The following DST variants were observed in gnomAD, a reference collection of about 807,000 sequenced individuals.
DST encodes bullous pemphigoid antigen.
A neutral mutation model predicts 875.2 loss-of-function variants in DST; 253 were observed. The observed-to-expected ratio is 0.29, with a 90% confidence interval of 0.26 to 0.32. The LOEUF (loss-of-function observed/expected upper bound fraction) is 0.32. DST is among the 10% of genes least tolerant of loss of function. The pLI, the probability that DST is intolerant of heterozygous loss-of-function variation, is 1.00. For missense variants in DST, 8,287 were observed against 9,111.6 expected, an observed-to-expected ratio of 0.91 and a Z score of 3.68; for synonymous variants, 3,124 against 3,197.1, an observed-to-expected ratio of 0.98 and a Z score of 0.77.
chr6:56,699,614 T>C (rs1464117764), intron 9 of DST, 39 bp downstream of exon 9: 1 of 998,532 alleles, frequency 1.0e-6, no homozygotes. Context: ...ACCTGAAAAC[T>C]AGCAATTAGA....
At chr6:56,655,648 CA>C (rs1247826040) in intron 10 of DST, among the ~76,000 whole-genome samples, 4 of 152,128 alleles carry the variant, frequency 2.6e-5, no homozygotes, top group African/African-American at 9.7e-5. Context: ...AGGAGAAGAG[CA>C]AAGCCCATTT....
At chr6:56,883,038 T>C (rs1782956525) in intron 3 of DST, among the ~76,000 whole-genome samples, 1 of 152,198 alleles carries the variant, frequency 6.6e-6, no homozygotes, top group Non-Finnish European at 1.5e-5. Flanking sequence ...CAGCTGGTTT[T>C]TATATTTTTA....
At chr6:56,667,297 CTT>C (rs1324961795) in intron 10 of DST, among the ~76,000 whole-genome samples, 1 of 152,168 alleles carries the variant, frequency 6.6e-6, no homozygotes, top group Non-Finnish European at 1.5e-5. Flanking sequence ...AATTTTGTCT[CTT>C]TTTTCTTTTA....
chr6:56,610,716 A>T (rs973806604), intron 38 of DST, among the ~76,000 whole-genome samples, 154 bp from the exon 39 acceptor site: 4 of 152,206 alleles, frequency 2.6e-5, no homozygotes, highest in African/African-American at 9.6e-5. Context: ...ATGAAAATTA[A>T]GAATGGCCTT....
In DST at chr6:56,642,035, C is replaced by T. The variant is rs755853443; in HGVS notation, c.1939G>A (p.Glu647Lys). 1.9e-6 allele frequency: 3 copies of T among 1,612,634 alleles called. No individual in the cohort carries two copies. In the Admixed American group the frequency reaches 5.0e-5, roughly 27 times the overall value. The change falls in exon 17 of 104, where the codon GAA becomes AAA. Residue 647 changes from glutamate (E) to lysine (K), a missense_variant. Glu to Lys is a moderately conservative substitution (Grantham distance 56, BLOSUM62 1). Around this residue, in one of 10 missense-constraint regions of DST, gnomAD observed 1,160 missense variants for 1,424.3 expected, o/e 0.81. Coordinates refer to ENST00000680361, the MANE Select transcript of DST (RefSeq NM_001374736.1). ...TGCTGGCGTAAAAGGTTCTCACATT[C>T]AAGTATATACCCAGCAATTTCTGCT... ...NEAEIAGYIL[E>K]CENLLRQHVI...
intron 4 of DST, among the ~76,000 whole-genome samples, chr6:56,761,842 A>T (rs1025355747): frequency 1.3e-5 from 2 of 152,204 alleles, no homozygotes; most frequent in African/African-American, 4.8e-5. Flanking sequence ...ACTTTTTACC[A>T]AATAATTATA....
intron 46 of DST, among the ~76,000 whole-genome samples, chr6:56,598,223 A>G (rs1006240562): frequency 5.3e-5 from 8 of 152,238 alleles, no homozygotes; most frequent in Admixed American, 3.9e-4. Flanking sequence ...AATTTTAACT[A>G]TAATTGATGA....
chr6:56,635,032 C>T (rs1030554985), intron 24 of DST, 79 bp from the exon 25 acceptor site: 82 of 1,229,206 alleles, frequency 6.7e-5, no homozygotes, highest in Non-Finnish European at 9.3e-5. Flanking sequence ...ACAAATTAAA[C>T]TTCATCAGAA....
At chr6:56,570,203 C>A (rs2097758759) in intron 53 of DST, among the ~76,000 whole-genome samples, 191 bp from the exon 54 acceptor site, 3 of 152,060 alleles carry the variant, frequency 2.0e-5, no homozygotes, top group Non-Finnish European at 4.4e-5. Context: ...GTACCAGGGA[C>A]CAGTTTCGTA....
chr6:56,483,051 T>C (rs1468582642), intron 88 of DST, among the ~76,000 whole-genome samples, 174 bp from the exon 89 acceptor site: 1 of 152,190 alleles, frequency 6.6e-6, no homozygotes, highest in Non-Finnish European at 1.5e-5. Flanking sequence ...CTGCTCCTAT[T>C]TGAGCACCAT....
chr6:56,634,573 G>C lies in DST; in HGVS notation c.3383C>G (p.Ser1128Cys), dbSNP rs1057194613. 1 of 1,614,048 alleles carries C rather than the reference G, an allele frequency of 6.2e-7. No individual in the cohort carries two copies. Residue 1128 changes from serine (S) to cysteine (C), a missense_variant, in exon 26 of 104, where the codon TCT (serine) becomes TGT (cysteine). By Grantham distance (112) the Ser-to-Cys change is moderately radical (BLOSUM62 -1). Around this residue, in one of 10 missense-constraint regions of DST, gnomAD observed 1,160 missense variants for 1,424.3 expected, o/e 0.81. Transcript: ENST00000680361. ...KDDECVLANN[S>C]HRAKWKVISP... ...AATGACCTTCCATTTAGCACGATGA[G>C]AGTTATTCGCCAAAACACATTCATC...
intron 49 of DST, among the ~76,000 whole-genome samples, chr6:56,579,437 G>A (rs1245472759): frequency 2.0e-5 from 3 of 152,084 alleles, no homozygotes; most frequent in Admixed American, 6.6e-5. Context: ...AAAAAGCCTT[G>A]CTACATTTTG....
At chr6:56,473,842 T>C in intron 93 of DST, 31 bp downstream of exon 93, 1 of 1,569,514 alleles carries the variant, frequency 6.4e-7, no homozygotes, top group Non-Finnish European at 8.6e-7. Flanking sequence ...CCTTATTTAT[T>C]GACATTTTAA....
intron 49 of DST, among the ~76,000 whole-genome samples, chr6:56,587,157 C>G (rs554790826): frequency 6.6e-6 from 1 of 152,056 alleles, no homozygotes; most frequent in East Asian, 1.9e-4. Context: ...AAGTTGAAAA[C>G]TTTGAAAAAA....
intron 82 of DST, among the ~76,000 whole-genome samples, chr6:56,494,983 CATATA>C (rs925286063): frequency 6.6e-5 from 10 of 151,950 alleles, no homozygotes; most frequent in East Asian, 3.9e-4. Flanking sequence ...CAATATAACT[CATATA>C]ATATAAAATA....
chr6:56,685,805 C>A (rs1195573934), intron 9 of DST, among the ~76,000 whole-genome samples: 1 of 151,880 alleles, frequency 6.6e-6, no homozygotes, highest in Admixed American at 6.6e-5. Flanking sequence ...CAGGTTGGTG[C>A]GGTTGCAGAG....
In DST at chr6:56,642,024, G is replaced by A. The variant is rs1587584080; in HGVS notation, c.1950C>T (p.Asn650=). Residue 650 remains asparagine, a synonymous_variant, in exon 17 of 104, where the codon AAC becomes AAT. Coordinates refer to ENST00000680361, the MANE Select transcript of DST (RefSeq NM_001374736.1). ...EIAGYILECE[N]LLRQHVIDVQ... is the part of the protein sequence containing the mutation. The stretch of plus-strand genomic sequence containing the variant: ...CATCAATTACATGCTGGCGTAAAAG[G>A]TTCTCACATTCAAGTATATACCCAG... 2 of 1,612,696 alleles carry A rather than the reference G, an allele frequency of 1.2e-6. No individual in the cohort carries two copies. Among genetic ancestry groups the A allele is most frequent in the Non-Finnish European group, 1.7e-6 (2 of 1,178,914 alleles).
intron 49 of DST, among the ~76,000 whole-genome samples, chr6:56,585,380 G>C (rs192481991): frequency 6.6e-6 from 1 of 151,968 alleles, no homozygotes; most frequent in Admixed American, 6.5e-5. Context: ...GTGTATTTGC[G>C]TAGAGGTGTT....
At chr6:56,771,898 T>C (rs973639990) in intron 4 of DST, among the ~76,000 whole-genome samples, 2 of 152,180 alleles carry the variant, frequency 1.3e-5, no homozygotes, top group African/African-American at 4.8e-5. Flanking sequence ...AAAATCCCAT[T>C]ATAACATTGC....
Sources: allele counts gnomAD v4.1 joint callset (sites outside exome capture counted in the v4.1 genomes callset), GRCh38; gene constraint gnomAD v4.1.1; regional missense constraint gnomAD v4.1.1; transcripts MANE v1.5; gene names NCBI Gene and HGNC (gene_info 2026-07-23, HGNC 2026-07-21).